ADAMTSL3: variants seen among roughly 807,000 people sequenced by gnomAD.
ADAMTSL3 encodes ADAMTS-like protein 3.
Under a neutral mutation model 201.7 loss-of-function variants are expected in ADAMTSL3, and 128 were observed. The observed-to-expected ratio is 0.63, with a 90% CI of 0.55 to 0.73. The LOEUF (loss-of-function observed/expected upper bound fraction) is 0.73, where lower values mean the gene tolerates loss of function less well. Among genes scored for constraint, ADAMTSL3 ranks in the 30% least tolerant of loss-of-function variants. The pLI is 0.00. For missense variants in ADAMTSL3, 1,990 were observed against 2,119.6 expected (o/e 0.94, Z 1.20); for synonymous variants, 738 against 748.4 (o/e 0.99, Z 0.23).
chr15:83,849,417 C>T (rs781704928), intron 7 of ADAMTSL3, among the ~76,000 whole-genome samples: 13 of 152,176 alleles, frequency 8.5e-5, no homozygotes, highest in South Asian at 2.1e-4. Flanking sequence ...TGAGCCACCA[C>T]GCCCAGCCAC....
intron 4 of ADAMTSL3, among the ~76,000 whole-genome samples, chr15:83,793,257 C>T (rs2063370436): frequency 6.6e-6 from 1 of 152,120 alleles, no homozygotes; most frequent in South Asian, 2.1e-4. Context: ...ATAAGTTTAA[C>T]AGAACTATTG....
intron 3 of ADAMTSL3, among the ~76,000 whole-genome samples, chr15:83,765,733 G>C (rs113492981): frequency 6.6e-6 from 1 of 152,038 alleles, no homozygotes; most frequent in African/African-American, 2.4e-5. Context: ...ATATTCCCTA[G>C]CTAGAGCTTT....
At position 83,774,867 on chromosome 15, in the gene ADAMTSL3, G is replaced by T. The variant is rs79396831; in HGVS notation, c.317+1217G>T. 1.4e-5 allele frequency among the ~76,000 whole-genome samples: 2 copies of T among 145,078 alleles called. 1 individual carries two copies. Among genetic ancestry groups the T allele is most frequent in the Admixed American group, 1.3e-4 (2 of 14,846 alleles). ...GGGAGGAGGCTTTTTTTTTTTTTTGGAGATGGAGTCTCACTCTTGCCCAGA... is the reference window on the plus strand; with the variant it reads ...GGGAGGAGGCTTTTTTTTTTTTTTGTAGATGGAGTCTCACTCTTGCCCAGA... On this transcript the variant is annotated intron_variant, in intron 4 of 29. Transcript: ENST00000286744.
At chr15:83,756,301 T>C (rs1190648274) in intron 3 of ADAMTSL3, among the ~76,000 whole-genome samples, 1 of 152,142 alleles carries the variant, frequency 6.6e-6, no homozygotes, top group Non-Finnish European at 1.5e-5. Context: ...AGAGGTGTAA[T>C]TGGCTCACAG....
Position 83,792,046 on chromosome 15 carries a change from G to T in ADAMTSL3, c.318-12604G>T, listed in dbSNP as rs2063353350. Among the ~76,000 whole-genome samples the T allele has an allele frequency of 2.0e-5, 3 of 152,092 alleles. No homozygotes were observed. In the South Asian group the frequency reaches 6.2e-4, roughly 32 times the overall value. ...GATTACATCAAACCAAAATGCTTCT[G>T]TACAACAAAGGAAACAATCAACAGA... On this transcript the variant is annotated intron_variant, in intron 4 of 29. Coordinates refer to ENST00000286744, the MANE Select transcript of ADAMTSL3 (RefSeq NM_207517.3).
intron 15 of ADAMTSL3, 134 bp from the exon 16 acceptor site, chr15:83,912,958 A>C: frequency 1.1e-6 from 1 of 919,730 alleles, no homozygotes; most frequent in Non-Finnish European, 1.6e-6. Flanking sequence ...AAAAGTATAA[A>C]ATTCCAAATG....
chr15:84,022,168 C>G (rs767315286), intron 26 of ADAMTSL3, among the ~76,000 whole-genome samples: 5 of 152,124 alleles, frequency 3.3e-5, no homozygotes, highest in Non-Finnish European at 7.4e-5. Flanking sequence ...AGATGCCCCT[C>G]TTTCTCTCAC....
rs1209890514 is a variant in ADAMTSL3 at position 83,982,439 on chromosome 15, A to G, written c.2811A>G (p.Arg937=). The change falls in exon 21 of 30, where the codon CGA becomes CGG. Residue 937 remains arginine (R), a synonymous_variant. Coordinates refer to ENST00000286744, the MANE Select transcript of ADAMTSL3 (RefSeq NM_207517.3). ...CCGTGATTATTAAGTGCCCCGTGCG[A>G]CGATTCCAGAAATCTCTGATCCAGT... The part of the protein sequence containing the change: ...NTSVIIKCPV[R]RFQKSLIQWE... The G allele has an allele frequency of 6.2e-7, 1 of 1,614,172 alleles. No individual in the cohort carries two copies. The highest frequency in any genetic ancestry group is 2.2e-5 in the East Asian group (1 of 44,874).
intron 4 of ADAMTSL3, among the ~76,000 whole-genome samples, chr15:83,794,124 C>G (rs553986001): frequency 6.6e-6 from 1 of 152,320 alleles, no homozygotes; most frequent in Admixed American, 6.5e-5. Flanking sequence ...TCATTACCTA[C>G]CTATCAGAAT....
At chr15:83,698,687 A>G (rs1298956441) in intron 2 of ADAMTSL3, among the ~76,000 whole-genome samples, 1 of 152,134 alleles carries the variant, frequency 6.6e-6, no homozygotes, top group East Asian at 1.9e-4. Flanking sequence ...TGTCCAACGC[A>G]TGTTTGGTAT....
chr15:83,698,778 CA>C (rs1186434004), intron 2 of ADAMTSL3, among the ~76,000 whole-genome samples: 2 of 152,246 alleles, frequency 1.3e-5, no homozygotes, highest in African/African-American at 4.8e-5. Flanking sequence ...AAAACTGCAC[CA>C]TAACTACCCT....
At chr15:84,006,627 G>C (rs1402839270) in intron 23 of ADAMTSL3, among the ~76,000 whole-genome samples, 1 of 152,092 alleles carries the variant, frequency 6.6e-6, no homozygotes, top group Non-Finnish European at 1.5e-5. Context: ...ACAGAATGTT[G>C]AATATATCAG....
chr15:84,020,205 C>T (rs1285481701), intron 25 of ADAMTSL3, among the ~76,000 whole-genome samples: 1 of 152,100 alleles, frequency 6.6e-6, no homozygotes, highest in Non-Finnish European at 1.5e-5. Flanking sequence ...ACATGTCCTG[C>T]CTTGAACTGC....
At chr15:83,839,238 A>C (rs2064330211) in intron 7 of ADAMTSL3, among the ~76,000 whole-genome samples, 1 of 152,176 alleles carries the variant, frequency 6.6e-6, no homozygotes, top group East Asian at 1.9e-4. Context: ...TAAAGTCGGC[A>C]TCTTACTTAT....
intron 15 of ADAMTSL3, among the ~76,000 whole-genome samples, chr15:83,906,874 T>C (rs2065846106): frequency 6.6e-6 from 1 of 152,186 alleles, no homozygotes; most frequent in Non-Finnish European, 1.5e-5. Flanking sequence ...ATTTTGTTTA[T>C]TCTTTTACTT....
intron 17 of ADAMTSL3, among the ~76,000 whole-genome samples, chr15:83,942,228 T>TAAAA (rs1284652467): frequency 1.3e-5 from 2 of 152,246 alleles, no homozygotes; most frequent in African/African-American, 4.8e-5. Flanking sequence ...AGTGTGCTTT[T>TAAAA]AAACATTTAA....
rs2068318686 is a variant in ADAMTSL3, at chr15:84,026,804, C to T, written c.4656+1368C>T. 2.0e-5 allele frequency among the ~76,000 whole-genome samples: 3 copies of T among 152,066 alleles called. No individual in the cohort carries two copies. The South Asian group carries it at 6.2e-4, about 32-fold the overall frequency. On this transcript the variant is annotated intron_variant, in intron 27 of 29. Coordinates refer to ENST00000286744, the MANE Select transcript of ADAMTSL3 (RefSeq NM_207517.3). ...TGAATCAGAGAACTAAATTTAAGAG[C>T]TCAATATATAAAACTATTGGAAAAA... is the stretch of plus-strand genomic sequence containing the variant.
intron 4 of ADAMTSL3, among the ~76,000 whole-genome samples, chr15:83,801,839 TAA>T (rs2063530221): frequency 6.6e-6 from 1 of 150,448 alleles, no homozygotes; most frequent in Non-Finnish European, 1.5e-5. Flanking sequence ...GCATTGTAAA[TAA>T]AGACCTTGAG....
At chr15:83,893,677 A>AAAGAAAACAG (rs1320460410) in intron 13 of ADAMTSL3, among the ~76,000 whole-genome samples, 2 of 152,318 alleles carry the variant, frequency 1.3e-5, no homozygotes, top group African/African-American at 4.8e-5. Context: ...TTGTATGAAA[A>AAAGAAAACAG]AAGAAAACAG....
Sources: allele counts gnomAD v4.1 joint callset (sites outside exome capture counted in the v4.1 genomes callset), GRCh38; gene constraint gnomAD v4.1.1; transcripts MANE v1.5; gene names NCBI Gene and HGNC (gene_info 2026-07-23, HGNC 2026-07-21).